SYNGR1: variants seen among roughly 807,000 people sequenced by gnomAD.
The protein encoded by SYNGR1 is synaptogyrin-1.
A neutral mutation model predicts 26.1 loss-of-function variants in SYNGR1; 14 were observed. The ratio of observed to expected loss-of-function variants is 0.54; its 90% confidence interval spans 0.35 to 0.84. The LOEUF is 0.84. Ranked by LOEUF, SYNGR1 falls within the 40% of genes least tolerant of loss-of-function variation. SYNGR1 has a pLI of 0.01. For missense variants in SYNGR1, 319 were observed against 332.9 expected (o/e 0.96, Z 0.33); for synonymous variants, 141 against 150.1 (o/e 0.94, Z 0.44).
In SYNGR1 at chr22:39,383,645, T is replaced by A. The variant is rs1569185185; in HGVS notation, c.*1731T>A. 1.3e-5 allele frequency: 2 copies of A among 152,642 alleles called. No individual in the cohort carries two copies. The highest frequency in any genetic ancestry group is 2.9e-5 in the Non-Finnish European group (2 of 68,332). 9.5% of individuals were successfully genotyped at this position (152,642 alleles called of 1,614,324 possible). On this transcript the variant is annotated 3_prime_UTR_variant, in exon 4 of 4. Transcript: ENST00000328933. ...CCCCCCATCCCCCATCTAAGAATCC[T>A]AAGAGGCAGGCGATCCCTCACCTGC... is the stretch of plus-strand genomic sequence containing the variant.
In SYNGR1 at chr22:39,376,164, C is replaced by T. The variant is rs1444612154; in HGVS notation, c.450C>T (p.Ala150=). 1 of 1,614,218 alleles carries T rather than the reference C, an allele frequency of 6.2e-7. No homozygotes were observed. The highest frequency in any genetic ancestry group is 2.2e-5 in the East Asian group (1 of 44,868). The change falls in exon 3 of 4, where the codon GCC becomes GCT. Residue 150 remains alanine (A), a synonymous_variant. Coordinates refer to ENST00000328933, the MANE Select transcript of SYNGR1 (RefSeq NM_004711.5). The part of the protein sequence containing the change: ...LNEGTDAARA[A]IAFSFFSIFT... The stretch of plus-strand genomic sequence containing the variant: ...AAGGGACGGACGCAGCCCGGGCCGC[C>T]ATCGCCTTCTCCTTTTTCTCCATCT...
rs777416803 is a variant in SYNGR1, at chr22:39,365,988, CTTTTT to C, written c.100-8305_100-8301del. ...CGTGAGCCACCGCGCTCAGCCCCTT[CTTTTT>C]TTTTTTTTTTTTTTTTTTTTTTGAG... On this transcript the variant is annotated intron_variant, in intron 1 of 3. Coordinates refer to ENST00000328933, the MANE Select transcript of SYNGR1 (RefSeq NM_004711.5). 5.7e-3 allele frequency among the ~76,000 whole-genome samples: 391 copies of C among 68,352 alleles called. 4 individuals are homozygous for C. In the East Asian group the frequency reaches 0.06, roughly 10 times the overall value. 44.8% of individuals were successfully genotyped at this position (68,352 alleles called of 152,430 possible).
At chr22:39,374,282 G>C in intron 1 of SYNGR1, 34 bp from the exon 2 acceptor site, 1 of 1,606,064 alleles carries the variant, frequency 6.2e-7, no homozygotes, top group Non-Finnish European at 8.5e-7. Context: ...GCAGGGGTCT[G>C]CCCAGGTCTA....
At chr22:39,352,095 C>T (rs566723573) in intron 1 of SYNGR1, among the ~76,000 whole-genome samples, 3 of 152,196 alleles carry the variant, frequency 2.0e-5, no homozygotes, top group Non-Finnish European at 4.4e-5. Context: ...ATGTAAGTGG[C>T]AGACGAGCAT....
intron 1 of SYNGR1, among the ~76,000 whole-genome samples, chr22:39,372,568 C>T (rs567497164): frequency 1.3e-5 from 2 of 149,698 alleles, no homozygotes; most frequent in South Asian, 4.3e-4. Context: ...CTCCTGGGCT[C>T]AAGCAATTCT....
intron 1 of SYNGR1, among the ~76,000 whole-genome samples, chr22:39,372,793 C>T (rs960036243): frequency 3.9e-5 from 6 of 152,002 alleles, no homozygotes; most frequent in Non-Finnish European, 8.8e-5. Context: ...CTTAAGCTCA[C>T]TGACATGGTA....
chr22:39,351,012 G>C (rs6001549), intron 1 of SYNGR1, among the ~76,000 whole-genome samples: 51 of 152,314 alleles, frequency 3.3e-4, no homozygotes, highest in African/African-American at 1.1e-3. Flanking sequence ...GTCAGGGAGA[G>C]GATGGGTCAG....
At chr22:39,356,089 C>T (rs1287618546) in intron 1 of SYNGR1, among the ~76,000 whole-genome samples, 1 of 152,164 alleles carries the variant, frequency 6.6e-6, no homozygotes, top group Admixed American at 6.6e-5. Flanking sequence ...GTTTTTGAGA[C>T]AGGGTCTCGC....
intron 1 of SYNGR1, among the ~76,000 whole-genome samples, chr22:39,365,057 A>G (rs1432653613): frequency 6.6e-6 from 1 of 151,974 alleles, no homozygotes; most frequent in African/African-American, 2.4e-5. Flanking sequence ...CTTGCTGGTG[A>G]CCTGGGTCCT....
At chr22:39,360,767 C>G (rs1046551903) in intron 1 of SYNGR1, among the ~76,000 whole-genome samples, 13 of 152,228 alleles carry the variant, frequency 8.5e-5, no homozygotes, top group Non-Finnish European at 1.8e-4. Context: ...CAGGTGACAC[C>G]AGCGTTGAGT....
chr22:39,358,573 G>A (rs1314255336), intron 1 of SYNGR1, among the ~76,000 whole-genome samples: 2 of 151,078 alleles, frequency 1.3e-5, no homozygotes, highest in Admixed American at 6.6e-5. Flanking sequence ...CCAGACGCGC[G>A]GCATTAAGAG....
At chr22:39,374,669 G>T in intron 2 of SYNGR1, 116 bp downstream of exon 2, 1 of 1,137,752 alleles carries the variant, frequency 8.8e-7, no homozygotes, top group East Asian at 2.5e-5. Context: ...AGGTGCAGGC[G>T]GGTGAAGGGA....
Position 39,382,161 on chromosome 22 carries a change from C to G in SYNGR1, c.*247C>G. On this transcript the variant is annotated 3_prime_UTR_variant, in exon 4 of 4. Coordinates refer to ENST00000328933, the MANE Select transcript of SYNGR1 (RefSeq NM_004711.5). The stretch of plus-strand genomic sequence containing the variant: ...GGTGGGGGCCAGGGGTATTTGCATT[C>G]ATACATTGTGTCATCAAGCATTCCT... The G allele has an allele frequency of 1.0e-5, 6 of 594,564 alleles. No homozygotes were observed. The highest frequency in any genetic ancestry group is 1.8e-5 in the Non-Finnish European group (6 of 332,986). 36.8% of individuals were successfully genotyped at this position (594,564 alleles called of 1,614,324 possible). A position where few individuals can be genotyped will look rare whatever the true frequency, so the allele number is the denominator to read the frequency against.
intron 1 of SYNGR1, among the ~76,000 whole-genome samples, chr22:39,367,809 C>T (rs1215776532): frequency 4.2e-5 from 6 of 142,892 alleles, no homozygotes; most frequent in African/African-American, 1.1e-4. Context: ...GGCAACAGAG[C>T]GAGACCCTGT....
intron 1 of SYNGR1, among the ~76,000 whole-genome samples, chr22:39,370,421 C>T (rs995063834): frequency 4.6e-5 from 7 of 152,238 alleles, no homozygotes; most frequent in Admixed American, 2.0e-4. Context: ...TGAGCCACCG[C>T]GCCTGGCCTA....
At chr22:39,377,517 C>T in intron 3 of SYNGR1, 2 of 1,565,884 alleles carry the variant, frequency 1.3e-6, no homozygotes, top group Non-Finnish European at 1.7e-6. Context: ...CAGGTGCCTG[C>T]CCGGCCCCCT....
At chr22:39,351,776 G>A (rs1440027641) in intron 1 of SYNGR1, among the ~76,000 whole-genome samples, 2 of 152,258 alleles carry the variant, frequency 1.3e-5, no homozygotes, top group East Asian at 3.8e-4. Context: ...CTTGTTCTCG[G>A]GAAGCCACAG....
chr22:39,364,969 CAA>C (rs1332189269), intron 1 of SYNGR1, among the ~76,000 whole-genome samples: 21 of 152,268 alleles, frequency 1.4e-4, no homozygotes, highest in Admixed American at 1.0e-3. Context: ...GGAAAAAAAC[CAA>C]AGAGGCTTGG....
chr22:39,365,835 C>T (rs1569178584), intron 1 of SYNGR1, among the ~76,000 whole-genome samples: 1 of 148,034 alleles, frequency 6.8e-6, no homozygotes, highest in East Asian at 2.0e-4. Context: ...TGCTCTTTTT[C>T]TTTTTTTTTT....
Sources: allele counts gnomAD v4.1 joint callset (sites outside exome capture counted in the v4.1 genomes callset), GRCh38; gene constraint gnomAD v4.1.1; transcripts MANE v1.5; gene names NCBI Gene and HGNC (gene_info 2026-07-23, HGNC 2026-07-21).